CEP89: variants seen among roughly 807,000 people sequenced by gnomAD.
CEP89 encodes the protein centrosomal protein of 89 kDa.
In CEP89, 95 loss-of-function variants were observed where a neutral mutation model predicts 97.6. The ratio of observed to expected loss-of-function variants is 0.97; its 90% CI spans 0.82 to 1.15. CEP89 has a LOEUF of 1.15. Ranked by LOEUF, CEP89 falls within the 50% of genes most tolerant of loss-of-function variation. CEP89 has a pLI of 0.00. For missense variants in CEP89, 869 were observed against 947.7 expected, an observed-to-expected ratio of 0.92 and a Z score of 1.09; for synonymous variants, 354 against 349.1, an observed-to-expected ratio of 1.01 and a Z score of -0.16.
chr19:32,892,221 A>G (rs60471029), intron 16 of CEP89, among the ~76,000 whole-genome samples: 2 of 89,178 alleles, frequency 2.2e-5, no homozygotes, highest in African/African-American at 5.3e-5. Flanking sequence ...ATATATATAT[A>G]TATATATATA....
At chr19:32,888,026 G>A (rs544029771) in intron 16 of CEP89, among the ~76,000 whole-genome samples, 185 bp from the exon 17 acceptor site, 4 of 152,332 alleles carry the variant, frequency 2.6e-5, no homozygotes, top group African/African-American at 7.2e-5. Flanking sequence ...AGGATGGGCA[G>A]GAACAGGGCA....
chr19:32,939,990 C>A, intron 5 of CEP89, 105 bp from the exon 6 acceptor site: 1 of 587,520 alleles, frequency 1.7e-6, no homozygotes, highest in South Asian at 1.9e-5. Context: ...AGGAGCTCGA[C>A]AAGGCCCAGA....
At chr19:32,921,327 CGA>C (rs1199963426) in intron 12 of CEP89, among the ~76,000 whole-genome samples, 1 of 152,124 alleles carries the variant, frequency 6.6e-6, no homozygotes, top group Non-Finnish European at 1.5e-5. Flanking sequence ...GTGCAGGTAC[CGA>C]GAGCGGCAAG....
chr19:32,918,884 CTTTT>C (rs11339528), intron 12 of CEP89, among the ~76,000 whole-genome samples: 2 of 117,644 alleles, frequency 1.7e-5, no homozygotes, highest in Non-Finnish European at 3.5e-5. Context: ...TTTTCTTTTT[CTTTT>C]TTTTTTTTTT....
At chr19:32,892,902 G>A (rs1969563645) in intron 16 of CEP89, among the ~76,000 whole-genome samples, 1 of 151,972 alleles carries the variant, frequency 6.6e-6, no homozygotes, top group Non-Finnish European at 1.5e-5. Flanking sequence ...AACTAGTAGA[G>A]CAAGCACACA....
At chr19:32,953,487 A>C in intron 4 of CEP89, 128 bp downstream of exon 4, 1 of 709,974 alleles carries the variant, frequency 1.4e-6, no homozygotes, top group Non-Finnish European at 2.3e-6. Flanking sequence ...CACGTTTAAA[A>C]AAATAAGCCC....
chr19:32,946,312 C>T (rs1038660408), intron 5 of CEP89, among the ~76,000 whole-genome samples: 1 of 152,092 alleles, frequency 6.6e-6, no homozygotes, highest in Non-Finnish European at 1.5e-5. Flanking sequence ...AATTTTCCCT[C>T]TTCAAGTCAT....
At chr19:32,944,335 A>G (rs553344656) in intron 5 of CEP89, among the ~76,000 whole-genome samples, 1 of 152,126 alleles carries the variant, frequency 6.6e-6, no homozygotes, top group East Asian at 1.9e-4. Flanking sequence ...ACAACGAATG[A>G]TAGCAAACTG....
Position 32,890,259 on chromosome 19 carries a change from G to A in CEP89, c.1876-2418C>T, listed in dbSNP as rs140284289. ...CCTAAACTACAAAAAAATTAGCCAG[G>A]TGTGGTGGCATGCGCCTATAGTCCC... is the stretch of plus-strand genomic sequence containing the variant. On this transcript the variant is annotated intron_variant, in intron 16 of 18. Transcript: ENST00000305768. Among the ~76,000 whole-genome samples, 155 of 152,232 alleles carry A rather than the reference G, an allele frequency of 1.0e-3. 1 individual carries two copies. The East Asian group carries it at 0.028, about 28-fold the overall frequency.
At chr19:32,931,727 T>C (rs887220388) in intron 8 of CEP89, among the ~76,000 whole-genome samples, 156 bp from the exon 9 acceptor site, 7 of 152,210 alleles carry the variant, frequency 4.6e-5, no homozygotes, top group African/African-American at 1.7e-4. Context: ...TGTGTCTGTG[T>C]GTGTGAATGA....
intron 8 of CEP89, among the ~76,000 whole-genome samples, chr19:32,933,132 GC>G (rs1310586159): frequency 2.0e-5 from 3 of 152,136 alleles, no homozygotes; most frequent in Non-Finnish European, 4.4e-5. Context: ...TAAAGGAGGA[GC>G]TTTTTTATGC....
chr19:32,901,609 G>A (rs565177842), intron 14 of CEP89, among the ~76,000 whole-genome samples, 197 bp from the exon 15 acceptor site: 2 of 151,992 alleles, frequency 1.3e-5, no homozygotes, highest in East Asian at 3.9e-4. Context: ...ACCGGAGAGA[G>A]GGTGTGGCTG....
At chr19:32,912,589 C>G (rs1489834227) in intron 14 of CEP89, among the ~76,000 whole-genome samples, 2 of 152,158 alleles carry the variant, frequency 1.3e-5, no homozygotes, top group Non-Finnish European at 2.9e-5. Context: ...CTTTTTCTCA[C>G]TATCCTATTG....
In CEP89 at chr19:32,878,962, T is replaced by TAA. The variant is rs71336972; in HGVS notation, c.*198_*199dup. ...GGGCAACAGAGTGAGACCCTAGCTC[T>TAA]AAAAAAAAAAAAAAATTAAAAAATA... is the stretch of plus-strand genomic sequence containing the variant. On this transcript the variant is annotated 3_prime_UTR_variant, in exon 19 of 19. Transcript: ENST00000305768. 0.22 allele frequency: 82,609 copies of TAA among 379,720 alleles called. 5,055 individuals carry two copies. The highest frequency in any genetic ancestry group is 0.27 in the Non-Finnish European group (58,033 of 213,916). The allele number at this position is 379,720 out of a possible 1,614,324, so 23.5% of individuals were successfully genotyped here.
At chr19:32,924,148 T>C (rs1568562718) in intron 11 of CEP89, among the ~76,000 whole-genome samples, 1 of 151,842 alleles carries the variant, frequency 6.6e-6, no homozygotes, top group South Asian at 2.1e-4. Context: ...TGTACTACTA[T>C]GCCTGGCTAA....
chr19:32,905,229 AT>A (rs1351529403), intron 14 of CEP89, among the ~76,000 whole-genome samples: 2 of 152,174 alleles, frequency 1.3e-5, no homozygotes, highest in East Asian at 3.8e-4. Flanking sequence ...TTGTAGCTGT[AT>A]TTTTTAATAG....
chr19:32,913,288 C>CAT (rs57087165), intron 14 of CEP89, among the ~76,000 whole-genome samples: 9 of 71,520 alleles, frequency 1.3e-4, no homozygotes, highest in Non-Finnish European at 2.3e-4. Flanking sequence ...AAATAGCCAC[C>CAT]ATATATATAT....
intron 3 of CEP89, 146 bp from the exon 4 acceptor site, chr19:32,953,947 C>T (rs1399198469): frequency 5.1e-6 from 3 of 585,984 alleles, no homozygotes; most frequent in Non-Finnish European, 8.8e-6. Flanking sequence ...CGGCTCACTG[C>T]AAGCTCCGCC....
At position 32,905,498 on chromosome 19, in the gene CEP89, T is replaced by C. The variant is rs570591850; in HGVS notation, c.1566-4086A>G. On this transcript the variant is annotated intron_variant, in intron 14 of 18. Coordinates refer to ENST00000305768, the MANE Select transcript of CEP89 (RefSeq NM_032816.5). ...TGGAGTTTTCAAAGGAAGATTTTTTTTTTTAATTCAATTCTTTTAATGATT... is the reference window on the plus strand; with the variant it reads ...TGGAGTTTTCAAAGGAAGATTTTTTCTTTTAATTCAATTCTTTTAATGATT... Among the ~76,000 whole-genome samples the C allele has an allele frequency of 1.1e-4, 16 of 152,114 alleles. 1 individual carries two copies. In the East Asian group the frequency reaches 2.5e-3, roughly 24 times the overall value.
Sources: allele counts gnomAD v4.1 joint callset (sites outside exome capture counted in the v4.1 genomes callset), GRCh38; gene constraint gnomAD v4.1.1; transcripts MANE v1.5; gene names NCBI Gene and HGNC (gene_info 2026-07-23, HGNC 2026-07-21).